SHLD2: variants seen among roughly 807,000 people sequenced by gnomAD.
SHLD2 encodes the protein shieldin complex subunit 2.
Under a neutral mutation model 73.2 loss-of-function variants are expected in SHLD2, and 30 were observed. That is an observed-to-expected ratio of 0.41 (90% confidence interval 0.31 to 0.56). SHLD2 has a LOEUF of 0.56. SHLD2 is among the 20% of genes least tolerant of loss of function. The probability of loss-of-function intolerance (pLI) is 0.28; values close to 1 mark genes in which losing one functional copy is unlikely to be tolerated. For synonymous variants in SHLD2, 285 were observed against 370.1 expected (o/e 0.77, Z 2.64); for missense variants, 745 against 1,055.9 (o/e 0.71, Z 4.08).
intron 1 of SHLD2, among the ~76,000 whole-genome samples, chr10:87,096,472 G>C (rs1483332313): frequency 2.0e-5 from 3 of 152,134 alleles, no homozygotes; most frequent in Non-Finnish European, 4.4e-5. Context: ...TAACGAGGCT[G>C]GCACGGTGGC....
Position 87,190,996 on chromosome 10 carries a change from G to C in SHLD2, c.*313G>C, listed in dbSNP as rs546931474. Reference sequence around the variant, plus strand: ...TGTATTTAGTCCCTGCTACATTCCAGGCATTGTACTAAGTATGGGGAACCA... The same window carrying C: ...TGTATTTAGTCCCTGCTACATTCCACGCATTGTACTAAGTATGGGGAACCA... On this transcript the variant is annotated 3_prime_UTR_variant, in exon 10 of 10. Coordinates refer to ENST00000298786, the MANE Select transcript of SHLD2 (RefSeq NM_001330112.2). The C allele has an allele frequency of 5.3e-6, 2 of 374,350 alleles. No homozygotes were observed. Among genetic ancestry groups the C allele is most frequent in the East Asian group, 1.2e-4 (2 of 16,316 alleles). 23.2% of individuals were successfully genotyped at this position (374,350 alleles called of 1,614,324 possible). A position where few individuals can be genotyped will look rare whatever the true frequency, so the allele number is the denominator to read the frequency against.
At chr10:87,136,515 C>T (rs1773999589) in intron 2 of SHLD2, among the ~76,000 whole-genome samples, 1 of 151,386 alleles carries the variant, frequency 6.6e-6, no homozygotes, top group African/African-American at 2.4e-5. Context: ...GCTGACAGAG[C>T]CAGAAAATGT....
chr10:87,155,623 C>A (rs1028978088), intron 3 of SHLD2, among the ~76,000 whole-genome samples: 35 of 151,354 alleles, frequency 2.3e-4, no homozygotes, highest in Non-Finnish European at 4.1e-4. Context: ...TAAAAGAGGG[C>A]TGGATCCTGG....
At position 87,151,866 on chromosome 10, in the gene SHLD2, G is replaced by A; in HGVS notation, c.512G>A (p.Gly171Asp). The change falls in exon 3 of 10, where the codon GGC becomes GAC. Residue 171 changes from glycine to aspartate, a missense_variant. Physicochemically the swap from Gly to Asp is moderately conservative, Grantham distance 94. This residue lies in a region of SHLD2 where 280 missense variants were observed against 353.9 expected (regional missense o/e 0.79). Transcript: ENST00000298786. Reference protein sequence around the residue: ...KNFNTNLFQLGHKCAAVLDLV... With the variant: ...KNFNTNLFQLDHKCAAVLDLV... The stretch of plus-strand genomic sequence containing the variant: ...TTTAACACAAATTTGTTTCAGTTGG[G>A]CCATAAATGTGCAGCTGTGTTGGAT... The A allele has an allele frequency of 6.2e-7, 1 of 1,611,546 alleles. No homozygotes were observed. The highest frequency in any genetic ancestry group is 8.5e-7 in the Non-Finnish European group (1 of 1,179,576).
At chr10:87,169,327 C>T (rs1329496452) in intron 4 of SHLD2, among the ~76,000 whole-genome samples, 4 of 152,104 alleles carry the variant, frequency 2.6e-5, no homozygotes, top group African/African-American at 9.7e-5. Context: ...GGTAGTATTA[C>T]GTGTGGTTTT....
intron 2 of SHLD2, among the ~76,000 whole-genome samples, chr10:87,126,489 G>A (rs2134117436): frequency 6.6e-6 from 1 of 151,944 alleles, no homozygotes; most frequent in Admixed American, 6.6e-5. Flanking sequence ...ATAACCTTCT[G>A]TACTAACTAG....
At chr10:87,135,806 A>G (rs998696658) in intron 2 of SHLD2, among the ~76,000 whole-genome samples, 4 of 151,474 alleles carry the variant, frequency 2.6e-5, no homozygotes, top group African/African-American at 9.7e-5. Flanking sequence ...TGGCAGTACC[A>G]TTTTCATCAC....
chr10:87,109,945 T>A (rs959583775), intron 2 of SHLD2, among the ~76,000 whole-genome samples: 3 of 152,224 alleles, frequency 2.0e-5, no homozygotes, highest in Admixed American at 2.0e-4. Context: ...TCAAAATGTA[T>A]GTTACTACAT....
chr10:87,096,341 G>A (rs1163035467), intron 1 of SHLD2, among the ~76,000 whole-genome samples: 1 of 152,080 alleles, frequency 6.6e-6, no homozygotes, highest in African/African-American at 2.4e-5. Context: ...CACCGCGCCT[G>A]GCCTCAGTAT....
chr10:87,144,124 A>G (rs1272790350), intron 2 of SHLD2, among the ~76,000 whole-genome samples: 1 of 151,946 alleles, frequency 6.6e-6, no homozygotes, highest in Non-Finnish European at 1.5e-5. Context: ...CGGCCTCCCA[A>G]AGTGCTGGGA....
intron 2 of SHLD2, among the ~76,000 whole-genome samples, chr10:87,126,859 T>A (rs1266206078): frequency 2.0e-5 from 3 of 152,252 alleles, no homozygotes; most frequent in Admixed American, 6.5e-5. Context: ...TGCTATATAT[T>A]CTTACTCATT....
At chr10:87,146,419 G>C (rs887253455) in intron 2 of SHLD2, among the ~76,000 whole-genome samples, 1 of 151,872 alleles carries the variant, frequency 6.6e-6, no homozygotes, top group African/African-American at 2.4e-5. Flanking sequence ...TCAGCCTCTG[G>C]TGTAGCTGGG....
chr10:87,140,860 CACTT>C (rs1418829938), intron 2 of SHLD2, among the ~76,000 whole-genome samples: 1 of 151,658 alleles, frequency 6.6e-6, no homozygotes, highest in African/African-American at 2.4e-5. Context: ...TCTGTAATCC[CACTT>C]ACTTGGGAGG....
chr10:87,161,546 G>C (rs959369068), intron 4 of SHLD2, among the ~76,000 whole-genome samples: 25 of 152,156 alleles, frequency 1.6e-4, no homozygotes, highest in Non-Finnish European at 3.5e-4. Context: ...AAAGAAGATA[G>C]TTCAAAATAC....
chr10:87,168,824 G>C (rs1847387514), intron 4 of SHLD2, among the ~76,000 whole-genome samples: 1 of 151,724 alleles, frequency 6.6e-6, no homozygotes, highest in Non-Finnish European at 1.5e-5. Context: ...ACTGTGCTCA[G>C]TACCTGGGTG....
chr10:87,099,388 T>C (rs1235881038), intron 2 of SHLD2, among the ~76,000 whole-genome samples: 2 of 152,318 alleles, frequency 1.3e-5, no homozygotes, highest in African/African-American at 4.8e-5. Context: ...ACTAAATCAG[T>C]CTATTCTGGA....
intron 2 of SHLD2, among the ~76,000 whole-genome samples, chr10:87,120,366 G>A (rs1488483328): frequency 1.3e-5 from 2 of 151,854 alleles, no homozygotes; most frequent in African/African-American, 4.8e-5. Flanking sequence ...TCCTGCCTCA[G>A]CCTCCCGAGT....
chr10:87,099,482 A>T (rs1197122882), intron 2 of SHLD2, among the ~76,000 whole-genome samples: 1 of 152,206 alleles, frequency 6.6e-6, no homozygotes, highest in Non-Finnish European at 1.5e-5. Flanking sequence ...TGCGTGTAGC[A>T]TGTATCAGGT....
intron 2 of SHLD2, among the ~76,000 whole-genome samples, chr10:87,097,668 AATTGAGAATCTCCTGTGTGTAGGTGCCTT>A (rs1841993802): frequency 6.6e-6 from 1 of 152,040 alleles, no homozygotes; most frequent in Non-Finnish European, 1.5e-5. Context: ...TTTTTTTTTT[AATTGAGAATCTCCTGTGTGTAGGTGCCTT>A]ACAAACTGGC....
Sources: gnomAD v4.1 joint callset for allele counts (sites outside exome capture counted in the v4.1 genomes callset) on GRCh38, gnomAD v4.1.1 for gene constraint, gnomAD v4.1.1 regional missense constraint, MANE v1.5 for transcripts, NCBI Gene and HGNC (gene_info 2026-07-23, HGNC 2026-07-21) for gene names.